The following PRPF8 variants were observed in gnomAD, a reference collection of about 807,000 sequenced individuals.
PRPF8 encodes pre-mRNA processing factor 8, also known as pre-mRNA-processing-splicing factor 8.
A neutral mutation model predicts 285.9 loss-of-function variants in PRPF8; 64 were observed. The ratio of observed to expected loss-of-function variants is 0.22; its 90% CI spans 0.18 to 0.28. The LOEUF (loss-of-function observed/expected upper bound fraction) is 0.28. Ranked by LOEUF, PRPF8 falls within the 10% of genes least tolerant of loss-of-function variation. PRPF8 has a pLI of 1.00. For synonymous variants in PRPF8, 1,325 were observed against 1,118.2 expected (o/e 1.18, Z -3.69); for missense variants, 1,426 against 3,026.7 (o/e 0.47, Z 12.41).
At chr17:1,664,651 T>C (rs1470043978) in intron 24 of PRPF8, among the ~76,000 whole-genome samples, 1 of 151,566 alleles carries the variant, frequency 6.6e-6, no homozygotes, top group Non-Finnish European at 1.5e-5. Context: ...AATGAATTAA[T>C]TATTAAAAAA....
rs750112502 is a variant in PRPF8, at chr17:1,650,895, G to A, written c.6915C>T (p.Tyr2305=). 5.6e-6 allele frequency: 9 copies of A among 1,614,064 alleles called. No homozygotes were observed. Among genetic ancestry groups the A allele is most frequent in the African/African-American group, 1.3e-5 (1 of 74,906 alleles). The change falls in exon 43 of 43, where the codon TAC becomes TAT. Residue 2305 remains tyrosine, a synonymous_variant. Coordinates refer to ENST00000304992, the MANE Select transcript of PRPF8 (RefSeq NM_006445.4). ...ELQLANPKEF[Y]HEVHRPSHFL... ...AGTGAGAGGGCCTGTGCACCTCGTG[G>A]TAGAACTCTTTGGGGTTCGCCAGCT...
In PRPF8 at chr17:1,682,074, A is replaced by G. The variant is rs776849212; in HGVS notation, c.435-36T>C. On this transcript the variant is annotated intron_variant, in intron 4 of 42. Coordinates refer to ENST00000304992, the MANE Select transcript of PRPF8 (RefSeq NM_006445.4). ...AGACATCACACAACCATTTCTACCC[A>G]CTGCCTCCCAACCACCACCACCACC... The G allele has an allele frequency of 1.9e-6, 3 of 1,612,798 alleles. No individual in the cohort carries two copies. The East Asian group carries it at 6.7e-5, about 36-fold the overall frequency.
rs1416806097 is a variant in PRPF8 at position 1,680,275 on chromosome 17, T to G, written c.1098+451A>C. Among the ~76,000 whole-genome samples the G allele has an allele frequency of 2.0e-5, 3 of 152,170 alleles. No individual in the cohort carries two copies. The East Asian group carries it at 5.8e-4, about 29-fold the overall frequency. The stretch of plus-strand genomic sequence containing the variant: ...GTAGATTAGTGGTTGCGTAAGGAAG[T>G]TGGGGAGAAATGGCGAGTAACTGCT... On this transcript the variant is annotated intron_variant, in intron 8 of 42. Transcript: ENST00000304992.
intron 6 of PRPF8, 29 bp from the exon 7 acceptor site, chr17:1,681,083 CTTTT>C: frequency 7.6e-7 from 1 of 1,311,044 alleles, no homozygotes; most frequent in Non-Finnish European, 1.1e-6. Context: ...AATAAGCAGA[CTTTT>C]TTTTTTTTGA....
Position 1,651,904 on chromosome 17 carries a change from T to G in PRPF8, c.6370-116A>C. The G allele has an allele frequency of 7.6e-7, 1 of 1,312,918 alleles. No homozygotes were observed. Among genetic ancestry groups the G allele is most frequent in the Non-Finnish European group, 1.1e-6 (1 of 918,640 alleles). 81.3% of individuals were successfully genotyped at this position (1,312,918 alleles called of 1,614,324 possible). On this transcript the variant is annotated intron_variant, in intron 39 of 42. Transcript: ENST00000304992. The surrounding 1 kb of genome is among the most constrained non-coding windows in gnomAD (Gnocchi z 5.1). ...AACGAGGACAGAGTTTCTTAAAACG[T>G]GATCAGAACCCCCTGTATCAGAATC... is the stretch of plus-strand genomic sequence containing the variant.
In PRPF8 at chr17:1,658,491, G is replaced by A. The variant is rs1567678231; in HGVS notation, c.5376+35C>T. ...CATTACTCTCCCACAGCCATGTACAGAGTCCCGCACCTATACACTGCTGCT... is the reference window on the plus strand; with the variant it reads ...CATTACTCTCCCACAGCCATGTACAAAGTCCCGCACCTATACACTGCTGCT... On this transcript the variant is annotated intron_variant, in intron 33 of 42. Coordinates refer to ENST00000304992, the MANE Select transcript of PRPF8 (RefSeq NM_006445.4). This position sits in a 1 kb window ranked among gnomAD's most constrained non-coding sequence, Gnocchi z 4.1. 1.2e-6 allele frequency: 2 copies of A among 1,612,952 alleles called. No individual in the cohort carries two copies. The highest frequency in any genetic ancestry group is 8.5e-7 in the Non-Finnish European group (1 of 1,178,964).
intron 24 of PRPF8, among the ~76,000 whole-genome samples, 181 bp from the exon 25 acceptor site, chr17:1,662,334 A>C (rs1911710629): frequency 1.3e-5 from 2 of 152,190 alleles, no homozygotes; most frequent in African/African-American, 4.8e-5. Flanking sequence ...CATGCCTATA[A>C]TCCCAGCACT....
At chr17:1,671,615 G>C (rs985089972) in intron 24 of PRPF8, among the ~76,000 whole-genome samples, 1 of 152,096 alleles carries the variant, frequency 6.6e-6, no homozygotes, top group African/African-American at 2.4e-5. Flanking sequence ...ACTTTGGGAG[G>C]CTGAGGCAGG....
rs374511182 is a variant in PRPF8 at position 1,656,775 on chromosome 17, G to T, written c.5506-14C>A. On this transcript the variant is annotated splice_polypyrimidine_tract_variant and intron_variant, in intron 34 of 42. Transcript: ENST00000304992. The stretch of plus-strand genomic sequence containing the variant: ...CCACTTAGCCAACTTAAAAGCAAGA[G>T]AGAAGAAAATGGAAATTTAGTCTCT... The T allele has an allele frequency of 1.0e-4, 161 of 1,611,550 alleles. No homozygotes were observed. The highest frequency in any genetic ancestry group is 1.3e-4 in the Non-Finnish European group (155 of 1,178,234).
At position 1,674,606 on chromosome 17, in the gene PRPF8, G is replaced by A. The variant is rs775855894; in HGVS notation, c.3135C>T (p.Gly1045=). The part of the protein sequence containing the change: ...QFASFIVQYY[G]LVMDLLVLGL... ...CCAATACAAGCAAATCCATCACCAGGCCATAATACTGCACGATGAATGAGG... is the reference window on the plus strand; with the variant it reads ...CCAATACAAGCAAATCCATCACCAGACCATAATACTGCACGATGAATGAGG... Residue 1045 remains glycine (G), a synonymous_variant, in exon 21 of 43, where the codon GGC becomes GGT. Transcript: ENST00000304992. 4 of 1,614,088 alleles carry A rather than the reference G, an allele frequency of 2.5e-6. No individual in the cohort carries two copies. The South Asian group carries it at 3.3e-5, about 13-fold the overall frequency.
At position 1,658,472 on chromosome 17, in the gene PRPF8, T is replaced by A. The variant is rs76272986; in HGVS notation, c.5376+54A>T. On this transcript the variant is annotated intron_variant, in intron 33 of 42. Coordinates refer to ENST00000304992, the MANE Select transcript of PRPF8 (RefSeq NM_006445.4). The surrounding 1 kb of genome is among the most constrained non-coding windows in gnomAD (Gnocchi z 4.1). ...CATGTGTACACACTTAGCCCATTAC[T>A]CTCCCACAGCCATGTACAGAGTCCC... 5.0e-4 allele frequency: 811 copies of A among 1,613,524 alleles called. 13 individuals are homozygous for A. In the East Asian group the frequency reaches 0.018, roughly 36 times the overall value.
At chr17:1,663,710 CAAAAAAAAAAAAAAAAAA>C (rs58454297) in intron 24 of PRPF8, among the ~76,000 whole-genome samples, 1 of 17,096 alleles carries the variant, frequency 5.8e-5, no homozygotes, top group Admixed American at 9.1e-4. Flanking sequence ...GACTCCATCT[CAAAAAAAAAAAAAAAAAA>C]AAAAAAAAAA....
At chr17:1,660,405 T>TA in intron 30 of PRPF8, 27 bp downstream of exon 30, 1 of 1,613,120 alleles carries the variant, frequency 6.2e-7, no homozygotes, top group Non-Finnish European at 8.5e-7. Context: ...CTCTCTACAG[T>TA]ACCCTCTCCC....
chr17:1,676,478 C>G lies in PRPF8; in HGVS notation c.2388+27G>C, dbSNP rs568824066. 1.7e-4 allele frequency: 281 copies of G among 1,614,106 alleles called. 3 individuals are homozygous for G. The South Asian group carries it at 2.9e-3, about 17-fold the overall frequency. On this transcript the variant is annotated intron_variant, in intron 16 of 42. Transcript: ENST00000304992. This position sits in a 1 kb window ranked among gnomAD's most constrained non-coding sequence, Gnocchi z 6.3. ...CTCTTGCCCACTCCCCCACCACTCA[C>G]ACCCAGCCCAGCCTACTCTGCCCAA...
chr17:1,676,471 C>G lies in PRPF8; in HGVS notation c.2388+34G>C. 6.2e-7 allele frequency: 1 copy of G among 1,614,076 alleles called. No homozygotes were observed. Among genetic ancestry groups the G allele is most frequent in the Non-Finnish European group, 8.5e-7 (1 of 1,179,998 alleles). On this transcript the variant is annotated intron_variant, in intron 16 of 42. Coordinates refer to ENST00000304992, the MANE Select transcript of PRPF8 (RefSeq NM_006445.4). This position sits in a 1 kb window ranked among gnomAD's most constrained non-coding sequence, Gnocchi z 6.3. ...GTCCTCCCTCTTGCCCACTCCCCCA[C>G]CACTCACACCCAGCCCAGCCTACTC...
At position 1,681,703 on chromosome 17, in the gene PRPF8, T is replaced by G; in HGVS notation, c.654-13A>C. On this transcript the variant is annotated splice_polypyrimidine_tract_variant and intron_variant, in intron 5 of 42. Transcript: ENST00000304992. Reference sequence around the variant, plus strand: ...GCCATTTACATACCTAGGTAAAAAATGAAAGGCCCACCTCAAGTAAGCAGC... The same window carrying G: ...GCCATTTACATACCTAGGTAAAAAAGGAAAGGCCCACCTCAAGTAAGCAGC... 1 of 1,613,542 alleles carries G rather than the reference T, an allele frequency of 6.2e-7. No individual in the cohort carries two copies. Among genetic ancestry groups the G allele is most frequent in the Non-Finnish European group, 8.5e-7 (1 of 1,179,550 alleles).
Position 1,671,355 on chromosome 17 carries a change from C to T in PRPF8, c.3774+1726G>A, listed in dbSNP as rs368643383. Among the ~76,000 whole-genome samples the T allele has an allele frequency of 1.1e-4, 16 of 152,274 alleles. 1 individual carries two copies. In the South Asian group the frequency reaches 3.1e-3, roughly 30 times the overall value. On this transcript the variant is annotated intron_variant, in intron 24 of 42. Coordinates refer to ENST00000304992, the MANE Select transcript of PRPF8 (RefSeq NM_006445.4). ...CCCAACATTCTGAGCACCAACATGA[C>T]GCTCAAAGGAAATGCTCATTGGGGC...
chr17:1,674,382 T>C, intron 21 of PRPF8, 60 bp downstream of exon 21: 1 of 1,540,016 alleles, frequency 6.5e-7, no homozygotes, highest in East Asian at 2.2e-5. Context: ...ATAGCTGATT[T>C]CAGAGGCAAA....
At chr17:1,664,048 C>A (rs1417554700) in intron 24 of PRPF8, among the ~76,000 whole-genome samples, 2 of 152,090 alleles carry the variant, frequency 1.3e-5, no homozygotes, top group Non-Finnish European at 2.9e-5. Flanking sequence ...TTCTCTCAAG[C>A]AAGACAGGGT....
Sources: allele counts gnomAD v4.1 joint callset (sites outside exome capture counted in the v4.1 genomes callset), GRCh38; gene constraint gnomAD v4.1.1; non-coding constraint Gnocchi (gnomAD v3.1); transcripts MANE v1.5; gene names NCBI Gene and HGNC (gene_info 2026-07-23, HGNC 2026-07-21).